ATP1B3: variants seen among roughly 807,000 people sequenced by gnomAD.
ATP1B3 encodes the protein ATPase Na+/K+ transporting subunit beta 3.
Under a neutral mutation model 30.2 loss-of-function variants are expected in ATP1B3, and 10 were observed. That is an observed-to-expected ratio of 0.33 (90% confidence interval 0.20 to 0.56). ATP1B3 has a LOEUF of 0.56. Among genes scored for constraint, ATP1B3 ranks in the 20% least tolerant of loss-of-function variants. ATP1B3 has a pLI of 0.90. For synonymous variants in ATP1B3, 113 were observed against 117.0 expected (o/e 0.97, Z 0.22); for missense variants, 238 against 336.7 (o/e 0.71, Z 2.29).
At chr3:141,910,002 G>C (rs184661301) in intron 3 of ATP1B3, among the ~76,000 whole-genome samples, 5 of 152,264 alleles carry the variant, frequency 3.3e-5, no homozygotes, top group East Asian at 3.9e-4. Flanking sequence ...CTATTTGTCT[G>C]AGATGGGGTC....
chr3:141,924,684 C>T (rs1169596383), intron 6 of ATP1B3, among the ~76,000 whole-genome samples: 3 of 151,690 alleles, frequency 2.0e-5, no homozygotes, highest in South Asian at 2.1e-4. Flanking sequence ...TCGGGTGTGG[C>T]GGCTCATGCC....
chr3:141,922,117 T>A (rs1452651679), intron 6 of ATP1B3, 54 bp downstream of exon 6: 14 of 1,076,252 alleles, frequency 1.3e-5, no homozygotes, highest in African/African-American at 6.4e-5. Flanking sequence ...AGCTGGAGCA[T>A]GTGTTGACGT....
intron 3 of ATP1B3, among the ~76,000 whole-genome samples, chr3:141,908,089 T>TTTTTTTTTTA: frequency 7.7e-6 from 1 of 130,486 alleles, no homozygotes; most frequent in Non-Finnish European, 1.6e-5. Flanking sequence ...TTTTTTTTTT[T>TTTTTTTTTTA]ATTATACTTT....
intron 1 of ATP1B3, among the ~76,000 whole-genome samples, chr3:141,878,991 G>A (rs750313071): frequency 3.1e-4 from 47 of 152,196 alleles, no homozygotes; most frequent in Non-Finnish European, 5.7e-4. Flanking sequence ...TGCAAAGGCA[G>A]GATCAGTTTG....
intron 1 of ATP1B3, among the ~76,000 whole-genome samples, chr3:141,882,929 T>C (rs1389664662): frequency 6.6e-6 from 1 of 152,116 alleles, no homozygotes; most frequent in East Asian, 1.9e-4. Flanking sequence ...CTATCAGAAA[T>C]CTCCAGTTGG....
In ATP1B3 at chr3:141,882,352, TATAA is replaced by T. The variant is rs200576933; in HGVS notation, c.109+5447_109+5450del. Among the ~76,000 whole-genome samples, 1,337 of 152,364 alleles carry T rather than the reference TATAA, an allele frequency of 8.8e-3. 19 individuals are homozygous for T. The highest frequency in any genetic ancestry group is 0.03 in the African/African-American group (1,243 of 41,586). ...TAACATTTTATGTCTTTTTCCTATG[TATAA>T]ATAAGTTTTTAAAACATACCTAAAT... On this transcript the variant is annotated intron_variant, in intron 1 of 6. Transcript: ENST00000286371.
chr3:141,915,442 C>G (rs1415346517), intron 4 of ATP1B3, among the ~76,000 whole-genome samples: 2 of 152,208 alleles, frequency 1.3e-5, no homozygotes, highest in Non-Finnish European at 2.9e-5. Context: ...TTATTCAGTT[C>G]TGTCAGCTAC....
chr3:141,887,812 T>C (rs1385836178), intron 1 of ATP1B3, among the ~76,000 whole-genome samples: 1 of 152,204 alleles, frequency 6.6e-6, no homozygotes, highest in Non-Finnish European at 1.5e-5. Context: ...GAGTACATAC[T>C]ATATGGTTTT....
intron 6 of ATP1B3, among the ~76,000 whole-genome samples, chr3:141,924,448 G>T (rs1438639336): frequency 6.6e-6 from 1 of 151,784 alleles, no homozygotes; most frequent in Non-Finnish European, 1.5e-5. Context: ...AGACCAGCCT[G>T]GCCAACTTCA....
intron 6 of ATP1B3, 37 bp from the exon 7 acceptor site, chr3:141,925,494 T>C: frequency 6.4e-7 from 1 of 1,555,500 alleles, no homozygotes. Flanking sequence ...TAAGTTTCCA[T>C]AGAGTTTGAA....
chr3:141,876,969 G>T (rs959892451), intron 1 of ATP1B3, 59 bp downstream of exon 1: 18 of 1,365,430 alleles, frequency 1.3e-5, no homozygotes, highest in Admixed American at 8.1e-5. Context: ...CGCCGGGCGC[G>T]GTCTGGTGGG....
chr3:141,890,285 CTTTTTTTTTTTTTTTTTTT>C (rs775182342), intron 1 of ATP1B3, among the ~76,000 whole-genome samples: 471 of 28,578 alleles, frequency 0.016, 6 homozygotes, highest in South Asian at 0.05. Context: ...TTTTGTGGGG[CTTTTTTTTTTTTTTTTTTT>C]TTTTTTTTTT....
chr3:141,925,960 A>G lies in ATP1B3; in HGVS notation c.*259A>G, dbSNP rs35283993. On this transcript the variant is annotated 3_prime_UTR_variant, in exon 7 of 7. Transcript: ENST00000286371. ...GAACACCTGATTCCAAACATGTAGG[A>G]TGGGGGTCTTGTCCTCTTTTTATGT... 6 of 405,836 alleles carry G rather than the reference A, an allele frequency of 1.5e-5. No individual in the cohort carries two copies. Among genetic ancestry groups the G allele is most frequent in the Admixed American group, 4.1e-5 (1 of 24,350 alleles). 25.1% of individuals were successfully genotyped at this position (405,836 alleles called of 1,614,324 possible). A position where few individuals can be genotyped will look rare whatever the true frequency, so the allele number is the denominator to read the frequency against.
intron 1 of ATP1B3, chr3:141,902,243 G>A (rs1404467873): frequency 7.9e-7 from 1 of 1,270,144 alleles, no homozygotes; most frequent in Admixed American, 2.3e-5. Flanking sequence ...TGGGGGGGAG[G>A]GGTAGAATGC....
At chr3:141,908,684 C>A (rs1559871327) in intron 3 of ATP1B3, among the ~76,000 whole-genome samples, 1 of 152,162 alleles carries the variant, frequency 6.6e-6, no homozygotes, top group Non-Finnish European at 1.5e-5. Flanking sequence ...TGCTTAACTG[C>A]CTGGTAATCC....
intron 1 of ATP1B3, among the ~76,000 whole-genome samples, chr3:141,901,552 A>T (rs1934163444): frequency 6.6e-6 from 1 of 152,202 alleles, no homozygotes; most frequent in African/African-American, 2.4e-5. Context: ...AATGGCCACT[A>T]GTATATGGCA....
rs987047509 is a variant in ATP1B3 at position 141,916,061 on chromosome 3, T to G, written c.582+41T>G. 4.0e-6 allele frequency: 6 copies of G among 1,518,598 alleles called. No homozygotes were observed. In the African/African-American group the frequency reaches 8.3e-5, roughly 21 times the overall value. 94.1% of individuals were successfully genotyped at this position (1,518,598 alleles called of 1,614,324 possible). On this transcript the variant is annotated intron_variant, in intron 5 of 6. Transcript: ENST00000286371. ...GTAACTCCTGTTAAATCTTTGATGT[T>G]TCTTAAAATACTTTAAAAGTCTAAT...
Position 141,916,016 on chromosome 3 carries a change from C to A in ATP1B3, c.578C>A (p.Ser193Ter). ...PEGVPRIDCV[S>*]KNEDIPNVAV... ...GGAGTGCCAAGGATAGATTGTGTTT[C>A]AAAGGTTAGTATTCAAAAAGTAACT... The change falls in exon 5 of 7, where the codon TCA becomes TAA. Residue 193 changes from serine (S) to a stop codon, truncating the protein, a stop_gained. Coordinates refer to ENST00000286371, the MANE Select transcript of ATP1B3 (RefSeq NM_001679.4). LOFTEE classifies it high-confidence loss of function. 1 of 1,603,154 alleles carries A rather than the reference C, an allele frequency of 6.2e-7. No individual in the cohort carries two copies. The highest frequency in any genetic ancestry group is 1.1e-5 in the South Asian group (1 of 88,618).
intron 1 of ATP1B3, among the ~76,000 whole-genome samples, chr3:141,889,756 TACACACACACACACACACACACACACAC>T (rs34670135): frequency 1.2e-5 from 1 of 84,042 alleles, no homozygotes; most frequent in Non-Finnish European, 2.1e-5. Flanking sequence ...AAAAAATATA[TACACACACACACACACACACACACACAC>T]ACACACACAC....
Sources: gnomAD v4.1 joint callset for allele counts (sites outside exome capture counted in the v4.1 genomes callset) on GRCh38, gnomAD v4.1.1 for gene constraint, MANE v1.5 for transcripts, NCBI Gene and HGNC (gene_info 2026-07-23, HGNC 2026-07-21) for gene names.